PABPN1: variants seen among roughly 807,000 people sequenced by gnomAD.
The protein encoded by PABPN1 is poly(A) binding protein nuclear 1.
Under a neutral mutation model 33.4 loss-of-function variants are expected in PABPN1, and 5 were observed. That is an observed-to-expected ratio of 0.15 (90% CI 0.08 to 0.32). The LOEUF is 0.32. Ranked by LOEUF, PABPN1 falls within the 10% of genes least tolerant of loss-of-function variation. PABPN1 has a pLI of 1.00. For missense variants in PABPN1, 312 were observed against 425.8 expected, an observed-to-expected ratio of 0.73 and a Z score of 2.35; for synonymous variants, 176 against 170.6, an observed-to-expected ratio of 1.03 and a Z score of -0.25.
At position 23,325,528 on chromosome 14, in the gene PABPN1, T is replaced by G. The variant is rs1470726786; in HGVS notation, c.*242T>G. 14 of 549,438 alleles carry G rather than the reference T, an allele frequency of 2.5e-5. No individual in the cohort carries two copies. Among genetic ancestry groups the G allele is most frequent in the Non-Finnish European group, 4.5e-5 (14 of 314,210 alleles). The allele number at this position is 549,438 out of a possible 1,614,324, so 34.0% of individuals were successfully genotyped here. A position where few individuals can be genotyped will look rare whatever the true frequency, so the allele number is the denominator to read the frequency against. ...GGGGGCTGCTTATTCACTCTGGGGATTCGCCATGGACACGTCTCAACTGCG... is the reference window on the plus strand; with the variant it reads ...GGGGGCTGCTTATTCACTCTGGGGAGTCGCCATGGACACGTCTCAACTGCG... On this transcript the variant is annotated 3_prime_UTR_variant, in exon 7 of 7. Coordinates refer to ENST00000216727, the MANE Select transcript of PABPN1 (RefSeq NM_004643.4).
chr14:23,323,242 G>T, intron 3 of PABPN1, 135 bp from the exon 4 acceptor site: 1 of 1,298,552 alleles, frequency 7.7e-7, no homozygotes, highest in Non-Finnish European at 1.1e-6. Flanking sequence ...GGGTTTGGAA[G>T]GAAAAGAGAT....
intron 3 of PABPN1, 126 bp downstream of exon 3, chr14:23,323,192 G>A: frequency 7.2e-7 from 1 of 1,390,130 alleles, no homozygotes; most frequent in Admixed American, 1.9e-5. Flanking sequence ...TGGGAAGGAG[G>A]TTAAAGGTAA....
At chr14:23,322,793 T>C in intron 2 of PABPN1, 1 of 625,852 alleles carries the variant, frequency 1.6e-6, no homozygotes, top group Non-Finnish European at 2.9e-6. Context: ...AAGTGTGTAT[T>C]AATTCTTTCA....
Position 23,322,033 on chromosome 14 carries a change from G to A in PABPN1, c.352-148G>A. 3 of 907,920 alleles carry A rather than the reference G, an allele frequency of 3.3e-6. No individual in the cohort carries two copies. In the Admixed American group the frequency reaches 6.4e-5, roughly 19 times the overall value. The allele number at this position is 907,920 out of a possible 1,614,324, so 56.2% of individuals were successfully genotyped here. A position where few individuals can be genotyped will look rare whatever the true frequency, so the allele number is the denominator to read the frequency against. On this transcript the variant is annotated intron_variant, in intron 1 of 6. Transcript: ENST00000216727. ...CACGGTTGCCTAGTGTTGTTCTAGA[G>A]AGGGTAGCTTTTCTTTTATCACGAC...
At chr14:23,322,011 G>A in intron 1 of PABPN1, 170 bp from the exon 2 acceptor site, 1 of 801,198 alleles carries the variant, frequency 1.2e-6, no homozygotes, top group Admixed American at 2.4e-5. Context: ...CGGGCGTCAC[G>A]GTTGCCTAGT....
intron 6 of PABPN1, 95 bp from the exon 7 acceptor site, chr14:23,325,152 C>T (rs2058082497): frequency 6.5e-7 from 1 of 1,547,762 alleles, no homozygotes; most frequent in Non-Finnish European, 8.9e-7. Flanking sequence ...TCCCCCCTTC[C>T]CTTCACAGTA....
chr14:23,325,031 C>A, intron 6 of PABPN1: 2 of 400,366 alleles, frequency 5.0e-6, no homozygotes, highest in Non-Finnish European at 4.0e-6. Context: ...TTCTTTTTCG[C>A]CACTGTTTGG....
Position 23,322,985 on chromosome 14 carries a change from T to C in PABPN1, c.467-14T>C, listed in dbSNP as rs1888434833. ...AGTGTGTGGTTTTTGTAAAAAATTATTTTTTCCTGATAGCTGGCCCGGTGA... is the reference window on the plus strand; with the variant it reads ...AGTGTGTGGTTTTTGTAAAAAATTACTTTTTCCTGATAGCTGGCCCGGTGA... On this transcript the variant is annotated splice_polypyrimidine_tract_variant and intron_variant, in intron 2 of 6. Transcript: ENST00000216727. The C allele has an allele frequency of 1.2e-6, 2 of 1,614,130 alleles. No homozygotes were observed. Among genetic ancestry groups the C allele is most frequent in the South Asian group, 2.2e-5 (2 of 91,088 alleles).
rs540320784 is a variant in PABPN1 at position 23,324,317 on chromosome 14, C to T, written c.881+28C>T. 59 of 1,607,344 alleles carry T rather than the reference C, an allele frequency of 3.7e-5. 1 individual carries two copies. The South Asian group carries it at 4.7e-4, about 13-fold the overall frequency. On this transcript the variant is annotated intron_variant, in intron 6 of 6. Transcript: ENST00000216727. ...CAGGATAGATGGGCTGCTCCTCTTT[C>T]CCCCGCCTCCCGTGAGCCCCGTATG...
intron 6 of PABPN1, 99 bp downstream of exon 6, chr14:23,324,388 C>T: frequency 2.3e-6 from 3 of 1,319,082 alleles, no homozygotes; most frequent in East Asian, 4.1e-5. Context: ...CCACCCCTCC[C>T]CGTGGTCTTC....
Position 23,321,695 on chromosome 14 carries a change from CG to C in PABPN1, c.228del (p.Arg78AlafsTer59). On this transcript the variant is annotated frameshift_variant, in exon 1 of 7. Transcript: ENST00000216727. LOFTEE classifies it high-confidence loss of function. ...GCCCGAGCCCGAAGAGGAGCCGCCCCGGCCCCGCGCCCCCCCGGGAGCTCCG... is the reference window on the plus strand; with the variant it reads ...GCCCGAGCCCGAAGAGGAGCCGCCCCGCCCCGCGCCCCCCCGGGAGCTCCG... ...PEPEPEEEPP[R>X]PRAPPGAPGP... 6.5e-7 allele frequency: 1 copy of C among 1,531,998 alleles called. No individual in the cohort carries two copies. Among genetic ancestry groups the C allele is most frequent in the Non-Finnish European group, 8.8e-7 (1 of 1,134,134 alleles). The allele number at this position is 1,531,998 out of a possible 1,614,324, so 94.9% of individuals were successfully genotyped here.
intron 2 of PABPN1, chr14:23,322,766 G>C: frequency 1.8e-6 from 1 of 564,688 alleles, no homozygotes; most frequent in South Asian, 2.1e-5. Context: ...AGGCAGGAGG[G>C]ATTCCTATAC....
chr14:23,322,469 C>T (rs1372395305), intron 2 of PABPN1, 174 bp downstream of exon 2: 1 of 667,866 alleles, frequency 1.5e-6, no homozygotes. Flanking sequence ...TGAGGCAGAA[C>T]GTATATTTTG....
intron 6 of PABPN1, 21 bp downstream of exon 6, chr14:23,324,310 C>G: frequency 6.2e-7 from 1 of 1,608,854 alleles, no homozygotes; most frequent in Non-Finnish European, 8.5e-7. Context: ...ATGGGCTGCT[C>G]CTCTTTCCCC....
intron 6 of PABPN1, chr14:23,325,044 G>A (rs202035473): frequency 4.0e-6 from 2 of 503,538 alleles, no homozygotes; most frequent in Non-Finnish European, 6.5e-6. Flanking sequence ...CTGTTTGGCA[G>A]TTTTCTGTTA....
intron 2 of PABPN1, 140 bp downstream of exon 2, chr14:23,322,435 C>A: frequency 1.3e-6 from 1 of 771,314 alleles, no homozygotes; most frequent in Non-Finnish European, 2.3e-6. Context: ...GGTCATAGTC[C>A]GTTGTGTGTT....
In PABPN1 at chr14:23,321,691, GC is replaced by G; in HGVS notation, c.226del (p.Arg76GlyfsTer61). The stretch of plus-strand genomic sequence containing the variant: ...CGGAGCCCGAGCCCGAAGAGGAGCC[GC>G]CCCGGCCCCGCGCCCCCCCGGGAGC... The part of the protein sequence containing the change: ...EPEPEPEEEP[P>X]RPRAPPGAPG... On this transcript the variant is annotated frameshift_variant, in exon 1 of 7. Transcript: ENST00000216727. LOFTEE classifies it high-confidence loss of function. The G allele has an allele frequency of 6.5e-7, 1 of 1,529,832 alleles. No homozygotes were observed. The highest frequency in any genetic ancestry group is 1.2e-5 in the South Asian group (1 of 83,316). 94.8% of individuals were successfully genotyped at this position (1,529,832 alleles called of 1,614,324 possible).
In PABPN1 at chr14:23,324,162, C is replaced by T; in HGVS notation, c.754C>T (p.Pro252Ser). ...IKVIPKRTNR[P>S]GISTTDRGFP... is the part of the protein sequence containing the mutation. ...GGTGATCCCAAAACGAACCAACAGA[C>T]CAGGCATCAGCACAACAGACCGGGG... is the stretch of plus-strand genomic sequence containing the variant. Residue 252 changes from proline (P) to serine (S), a missense_variant, in exon 6 of 7, where the codon CCA (proline) becomes TCA (serine). Pro to Ser is a moderately conservative substitution (Grantham distance 74). Around this residue, in one of 3 missense-constraint regions of PABPN1, gnomAD observed 77 missense variants for 185.7 expected, o/e 0.41. Transcript: ENST00000216727. 6.2e-7 allele frequency: 1 copy of T among 1,614,212 alleles called. No individual in the cohort carries two copies. Among genetic ancestry groups the T allele is most frequent in the Non-Finnish European group, 8.5e-7 (1 of 1,180,034 alleles).
chr14:23,322,228 T>G lies in PABPN1; in HGVS notation c.399T>G (p.Ala133=). Residue 133 remains alanine, a synonymous_variant, in exon 2 of 7, where the codon GCT becomes GCG. Coordinates refer to ENST00000216727, the MANE Select transcript of PABPN1 (RefSeq NM_004643.4). ...GAGTCAGGGAGATGGAGGAAGAAGC[T>G]GAGAAGCTAAAGGAGCTACAGAACG... ...KARVREMEEE[A]EKLKELQNEV... is the part of the protein sequence containing the mutation. 1.2e-6 allele frequency: 2 copies of G among 1,611,026 alleles called. No individual in the cohort carries two copies. The highest frequency in any genetic ancestry group is 2.2e-5 in the South Asian group (2 of 90,178).
Sources: allele counts gnomAD v4.1 joint callset, GRCh38; gene constraint gnomAD v4.1.1; regional missense constraint gnomAD v4.1.1; transcripts MANE v1.5; gene names NCBI Gene and HGNC (gene_info 2026-07-23, HGNC 2026-07-21).